The following TRIM35 variants were observed in gnomAD, a reference collection of about 807,000 sequenced individuals.
TRIM35 encodes the protein tripartite motif containing 35.
In TRIM35, 37 loss-of-function variants were observed where a neutral mutation model predicts 49.1. That is an observed-to-expected ratio of 0.75 (90% CI 0.58 to 0.99). The LOEUF is 0.99. Among genes scored for constraint, TRIM35 ranks in the 50% least tolerant of loss-of-function variants. The pLI is 0.00. For missense variants in TRIM35, 648 were observed against 702.7 expected (o/e 0.92, Z 0.88); for synonymous variants, 302 against 289.3 (o/e 1.04, Z -0.45).
intron 4 of TRIM35, 94 bp from the exon 5 acceptor site, chr8:27,289,374 C>T: frequency 9.8e-7 from 1 of 1,016,702 alleles, no homozygotes; most frequent in Non-Finnish European, 1.5e-6. Flanking sequence ...GACTTGTTCC[C>T]TTCCCTCAGG....
intron 3 of TRIM35, 179 bp downstream of exon 3, chr8:27,293,901 G>T: frequency 1.6e-6 from 1 of 608,072 alleles, no homozygotes. Context: ...AAGGAACTCC[G>T]CCCTGATAAG....
intron 4 of TRIM35, 67 bp downstream of exon 4, chr8:27,290,089 C>A (rs1802421854): frequency 6.3e-7 from 1 of 1,597,566 alleles, no homozygotes; most frequent in African/African-American, 1.3e-5. Flanking sequence ...CCCGGGGCCA[C>A]TGGAGTTTGC....
At chr8:27,298,709 C>A in intron 1 of TRIM35, 150 bp from the exon 2 acceptor site, 1 of 673,360 alleles carries the variant, frequency 1.5e-6, no homozygotes, top group Non-Finnish European at 2.7e-6. Flanking sequence ...GCCAAGTGCT[C>A]TGGGCACAAA....
chr8:27,289,330 G>A (rs1242060180), intron 4 of TRIM35, 50 bp from the exon 5 acceptor site: 1 of 1,457,720 alleles, frequency 6.9e-7, no homozygotes, highest in Non-Finnish European at 9.6e-7. Flanking sequence ...CATGCAACCT[G>A]GGCCGAACTG....
intron 3 of TRIM35, 44 bp downstream of exon 3, chr8:27,294,036 G>C (rs748623236): frequency 1.3e-5 from 21 of 1,589,664 alleles, no homozygotes; most frequent in Non-Finnish European, 1.7e-5. Context: ...GCTGGTCCTG[G>C]AACATGTGGC....
chr8:27,307,565 G>A (rs926692210), intron 1 of TRIM35, among the ~76,000 whole-genome samples: 7 of 152,164 alleles, frequency 4.6e-5, no homozygotes, highest in South Asian at 2.1e-4. Context: ...AGGACTGTCC[G>A]GTCCTGTCCT....
intron 3 of TRIM35, among the ~76,000 whole-genome samples, chr8:27,291,113 C>CAA (rs558772920): frequency 5.3e-5 from 5 of 94,318 alleles, no homozygotes; most frequent in African/African-American, 2.0e-4. Flanking sequence ...ATACCATATA[C>CAA]AAAAAAAAAA....
At chr8:27,306,944 C>T (rs946805886) in intron 1 of TRIM35, among the ~76,000 whole-genome samples, 3 of 152,144 alleles carry the variant, frequency 2.0e-5, no homozygotes, top group African/African-American at 7.2e-5. Flanking sequence ...CTGTTCACTT[C>T]CTTTTGTTTT....
intron 2 of TRIM35, among the ~76,000 whole-genome samples, chr8:27,296,562 AG>A (rs1451913808): frequency 1.3e-5 from 2 of 152,194 alleles, no homozygotes; most frequent in Non-Finnish European, 2.9e-5. Context: ...CTCAGCAAAA[AG>A]CTCAGGACTC....
In TRIM35 at chr8:27,287,577, G is replaced by C. The variant is rs770115119; in HGVS notation, c.1455C>G (p.Ile485Met). 8.8e-6 allele frequency: 14 copies of C among 1,596,862 alleles called. No homozygotes were observed. The highest frequency in any genetic ancestry group is 6.7e-5 in the East Asian group (3 of 44,534). ...AGCCATCCAGTTCTTCCTTGACACT[G>C]ATGTGCAAGGGGCAGATGCGCAAAG... ...PEPLRICPLHISVKEELDG is the reference protein window; with the variant it reads ...PEPLRICPLHMSVKEELDG The change falls in exon 6 of 6, where the codon ATC (isoleucine) becomes ATG (methionine). Residue 485 changes from isoleucine to methionine, a missense_variant. Coordinates refer to ENST00000305364, the MANE Select transcript of TRIM35 (RefSeq NM_171982.5). The surrounding 1 kb of genome is among the most constrained non-coding windows in gnomAD (Gnocchi z 6.0).
At chr8:27,300,589 T>A (rs2130298976) in intron 1 of TRIM35, among the ~76,000 whole-genome samples, 1 of 152,040 alleles carries the variant, frequency 6.6e-6, no homozygotes, top group South Asian at 2.1e-4. Context: ...AGCCCATTTG[T>A]CCCACTCAGT....
At chr8:27,310,683 T>C (rs893393060) in intron 1 of TRIM35, 118 bp downstream of exon 1, 4 of 1,217,054 alleles carry the variant, frequency 3.3e-6, no homozygotes, top group Admixed American at 2.8e-5. Context: ...TCCTGCATGC[T>C]GGGAGCGAGA....
In TRIM35 at chr8:27,285,415, C is replaced by T. The variant is rs892528019; in HGVS notation, c.*2135G>A. ...CACAAAAACTCATACACAAAAGTTCCTAGCAGCATTATGTATAATAGTCAA... is the reference window on the plus strand; with the variant it reads ...CACAAAAACTCATACACAAAAGTTCTTAGCAGCATTATGTATAATAGTCAA... On this transcript the variant is annotated 3_prime_UTR_variant, in exon 6 of 6. Coordinates refer to ENST00000305364, the MANE Select transcript of TRIM35 (RefSeq NM_171982.5). 1 of 152,142 alleles carries T rather than the reference C, an allele frequency of 6.6e-6. No homozygotes were observed. Among genetic ancestry groups the T allele is most frequent in the Non-Finnish European group, 1.5e-5 (1 of 68,030 alleles). 9.4% of individuals were successfully genotyped at this position (152,142 alleles called of 1,614,324 possible).
At position 27,310,851 on chromosome 8, in the gene TRIM35, G is replaced by T. The variant is rs1003957125; in HGVS notation, c.385C>A (p.His129Asn). 1.2e-6 allele frequency: 2 copies of T among 1,609,848 alleles called. No individual in the cohort carries two copies. Among genetic ancestry groups the T allele is most frequent in the African/African-American group, 1.3e-5 (1 of 74,854 alleles). The change falls in exon 1 of 6, where the codon CAC (histidine) becomes AAC (asparagine). Residue 129 changes from histidine to asparagine, a missense_variant. Transcript: ENST00000305364. ...LCCSCQADPR[H>N]QGHRVQPVKD... ...ACCGGCTGCACGCGGTGCCCCTGGTGTCGGGGGTCGGCCTGGCAGGAGCAG... is the reference window on the plus strand; with the variant it reads ...ACCGGCTGCACGCGGTGCCCCTGGTTTCGGGGGTCGGCCTGGCAGGAGCAG...
chr8:27,303,228 A>C (rs1802714658), intron 1 of TRIM35, among the ~76,000 whole-genome samples: 1 of 152,244 alleles, frequency 6.6e-6, no homozygotes, highest in Admixed American at 6.5e-5. Flanking sequence ...CAGTCAGATC[A>C]ACATTTTCAT....
In TRIM35 at chr8:27,289,064, G is replaced by A. The variant is rs1037182778; in HGVS notation, c.904+98C>T. On this transcript the variant is annotated intron_variant, in intron 5 of 5. Coordinates refer to ENST00000305364, the MANE Select transcript of TRIM35 (RefSeq NM_171982.5). ...GAGAGAGGAGGGGAGCTCTGAGGAG[G>A]TGGGAGGTGGGCCCGGCAGAGACCA... 3 of 881,550 alleles carry A rather than the reference G, an allele frequency of 3.4e-6. No homozygotes were observed. In the African/African-American group the frequency reaches 4.9e-5, roughly 15 times the overall value. 54.6% of individuals were successfully genotyped at this position (881,550 alleles called of 1,614,324 possible).
chr8:27,299,316 G>T (rs547119728), intron 1 of TRIM35, among the ~76,000 whole-genome samples: 5 of 151,828 alleles, frequency 3.3e-5, no homozygotes, highest in Non-Finnish European at 2.9e-5. Context: ...TATCCTTTTC[G>T]ATCTACATTC....
In TRIM35 at chr8:27,290,171, TTG is replaced by T; in HGVS notation, c.768_769del (p.His256GlnfsTer51). The T allele has an allele frequency of 1.2e-6, 2 of 1,614,130 alleles. No individual in the cohort carries two copies. Among genetic ancestry groups the T allele is most frequent in the Non-Finnish European group, 1.7e-6 (2 of 1,180,000 alleles). On this transcript the variant is annotated frameshift_variant, in exon 4 of 6. Coordinates refer to ENST00000305364, the MANE Select transcript of TRIM35 (RefSeq NM_171982.5). LOFTEE classifies it high-confidence loss of function. ...GGCAACTTACCGGCGTTTTCGGCTCTTGTGTTTCTGAAAAAATAAAAATAAAA... is the reference window on the plus strand; with the variant it reads ...GGCAACTTACCGGCGTTTTCGGCTCTTGTTTCTGAAAAAATAAAAATAAAA...
At chr8:27,304,918 C>T (rs911751489) in intron 1 of TRIM35, 2 of 401,876 alleles carry the variant, frequency 5.0e-6, no homozygotes, top group East Asian at 7.2e-5. Context: ...CCAAATTTCA[C>T]GATTTGTTTT....
Sources: gnomAD v4.1 joint callset for allele counts (sites outside exome capture counted in the v4.1 genomes callset) on GRCh38, gnomAD v4.1.1 for gene constraint, Gnocchi (gnomAD v3.1) non-coding constraint, MANE v1.5 for transcripts, NCBI Gene and HGNC (gene_info 2026-07-23, HGNC 2026-07-21) for gene names.